PLCB1: variants seen among roughly 807,000 people sequenced by gnomAD.
The protein encoded by PLCB1 is 1-phosphatidylinositol 4,5-bisphosphate phosphodiesterase beta-1.
In PLCB1, 46 loss-of-function variants were observed where a neutral mutation model predicts 161.8. The observed-to-expected ratio is 0.28, with a 90% CI of 0.22 to 0.36. The LOEUF (loss-of-function observed/expected upper bound fraction) is 0.36. Among genes scored for constraint, PLCB1 ranks in the 10% least tolerant of loss-of-function variants. The pLI, the probability that PLCB1 is intolerant of heterozygous loss-of-function variation, is 1.00. For missense variants in PLCB1, 1,016 were observed against 1,472.5 expected (o/e 0.69, Z 5.07); for synonymous variants, 517 against 503.7 (o/e 1.03, Z -0.35).
chr20:8,587,196 G>A (rs1433773963), intron 3 of PLCB1, among the ~76,000 whole-genome samples: 2 of 151,668 alleles, frequency 1.3e-5, no homozygotes, highest in Admixed American at 6.6e-5. Context: ...ATATATATAT[G>A]ATCTCAAAAA....
At chr20:8,644,275 G>A (rs571794584) in intron 4 of PLCB1, among the ~76,000 whole-genome samples, 4 of 151,162 alleles carry the variant, frequency 2.6e-5, no homozygotes, top group Non-Finnish European at 5.9e-5. Context: ...GACATGAGGA[G>A]CCCCTCTGCC....
At chr20:8,164,689 T>G (rs2051658459) in intron 2 of PLCB1, among the ~76,000 whole-genome samples, 1 of 152,210 alleles carries the variant, frequency 6.6e-6, no homozygotes, top group Non-Finnish European at 1.5e-5. Context: ...GGATGTAATA[T>G]CTGGACTCAC....
intron 3 of PLCB1, among the ~76,000 whole-genome samples, chr20:8,426,948 C>G (rs1322521241): frequency 1.3e-5 from 2 of 152,094 alleles, no homozygotes; most frequent in African/African-American, 4.8e-5. Context: ...GACAGAGTCT[C>G]GTTGTGTCAC....
At chr20:8,228,701 TC>T (rs1397503392) in intron 2 of PLCB1, among the ~76,000 whole-genome samples, 2 of 149,454 alleles carry the variant, frequency 1.3e-5, no homozygotes, top group African/African-American at 5.0e-5. Context: ...TATTTATTTA[TC>T]TATTTGTAGA....
At chr20:8,154,958 T>G (rs753900358) in intron 2 of PLCB1, among the ~76,000 whole-genome samples, 3 of 152,218 alleles carry the variant, frequency 2.0e-5, no homozygotes, top group Non-Finnish European at 2.9e-5. Flanking sequence ...TTGCTTCCTT[T>G]AAGATATTTC....
At chr20:8,167,049 T>C (rs117157968) in intron 2 of PLCB1, among the ~76,000 whole-genome samples, 1 of 152,194 alleles carries the variant, frequency 6.6e-6, no homozygotes, top group Non-Finnish European at 1.5e-5. Context: ...GGAAAGTAAC[T>C]TGTAGCATTC....
chr20:8,391,826 C>CAG (rs1987613459), intron 3 of PLCB1, among the ~76,000 whole-genome samples: 5 of 113,172 alleles, frequency 4.4e-5, no homozygotes, highest in African/African-American at 1.6e-4. Flanking sequence ...TATATATATA[C>CAG]ACACACATAT....
At chr20:8,305,136 CATT>C (rs1393488111) in intron 2 of PLCB1, among the ~76,000 whole-genome samples, 1 of 152,182 alleles carries the variant, frequency 6.6e-6, no homozygotes, top group Non-Finnish European at 1.5e-5. Context: ...CCCCATTAAT[CATT>C]AATTATGTTG....
Position 8,646,256 on chromosome 20 carries a change from C to T in PLCB1, c.464+75C>T, listed in dbSNP as rs1018443. The T allele has an allele frequency of 0.25, 250,021 of 1,000,582 alleles. 35,245 individuals carry two copies. The highest frequency in any genetic ancestry group is 0.51 in the African/African-American group (32,293 of 63,038). The allele number at this position is 1,000,582 out of a possible 1,614,324, so 62.0% of individuals were successfully genotyped here. A position where few individuals can be genotyped will look rare whatever the true frequency, so the allele number is the denominator to read the frequency against. On this transcript the variant is annotated intron_variant, in intron 5 of 31. Coordinates refer to ENST00000338037, the MANE Select transcript of PLCB1 (RefSeq NM_015192.4). ...TTTCCTTTCTCCTTTGTGAGTCTTC[C>T]GTTTATGCCATACTGACTTCTCACA...
chr20:8,854,967 A>G (rs1335145587), intron 31 of PLCB1, among the ~76,000 whole-genome samples: 1 of 152,216 alleles, frequency 6.6e-6, no homozygotes, highest in Non-Finnish European at 1.5e-5. Context: ...AAACTAATTG[A>G]TATGTAGGAA....
At chr20:8,573,062 A>T (rs1028075506) in intron 3 of PLCB1, among the ~76,000 whole-genome samples, 12 of 152,196 alleles carry the variant, frequency 7.9e-5, no homozygotes, top group African/African-American at 2.2e-4. Flanking sequence ...CCTGAAAAGT[A>T]TATTGAGAAG....
intron 7 of PLCB1, among the ~76,000 whole-genome samples, chr20:8,651,195 C>T (rs541977525): frequency 6.6e-6 from 1 of 152,194 alleles, no homozygotes; most frequent in East Asian, 1.9e-4. Flanking sequence ...CCTTTGAGCC[C>T]CTCAAAATGT....
intron 26 of PLCB1, 120 bp from the exon 27 acceptor site, chr20:8,774,419 C>A: frequency 1.0e-6 from 1 of 971,550 alleles, no homozygotes; most frequent in South Asian, 1.9e-5. Context: ...CCCCAAGTGG[C>A]TTATGAAAAT....
intron 3 of PLCB1, among the ~76,000 whole-genome samples, chr20:8,571,646 G>A (rs370541751): frequency 4.9e-4 from 75 of 152,148 alleles, no homozygotes; most frequent in African/African-American, 1.5e-3. Flanking sequence ...AAGGCCTGAT[G>A]TATACTGTGT....
chr20:8,788,331 C>A (rs1324070129), intron 27 of PLCB1, 118 bp from the exon 28 acceptor site: 11 of 882,174 alleles, frequency 1.2e-5, no homozygotes, highest in Non-Finnish European at 3.5e-6. Flanking sequence ...ACAACTTTAA[C>A]TATTGTGAAA....
intron 2 of PLCB1, among the ~76,000 whole-genome samples, chr20:8,315,996 C>T (rs1984631900): frequency 6.6e-6 from 1 of 152,156 alleles, no homozygotes; most frequent in Non-Finnish European, 1.5e-5. Flanking sequence ...GGGTTGAACG[C>T]TATTCAGCAA....
chr20:8,184,752 G>A (rs1191264611), intron 2 of PLCB1, among the ~76,000 whole-genome samples: 3 of 145,820 alleles, frequency 2.1e-5, no homozygotes, highest in Admixed American at 6.9e-5. Flanking sequence ...TCAACATTTC[G>A]AAAGTTTGGC....
At chr20:8,505,572 G>A (rs1261060490) in intron 3 of PLCB1, among the ~76,000 whole-genome samples, 1 of 152,206 alleles carries the variant, frequency 6.6e-6, no homozygotes, top group Non-Finnish European at 1.5e-5. Flanking sequence ...AATCTTTGCA[G>A]AGGCAAATTG....
At chr20:8,752,761 C>T (rs1211204665) in intron 23 of PLCB1, among the ~76,000 whole-genome samples, 1 of 151,022 alleles carries the variant, frequency 6.6e-6, no homozygotes, top group African/African-American at 2.4e-5. Flanking sequence ...CTACTGCACT[C>T]CAGCCTGGGT....
Sources: gnomAD v4.1 joint callset for allele counts (sites outside exome capture counted in the v4.1 genomes callset) on GRCh38, gnomAD v4.1.1 for gene constraint, MANE v1.5 for transcripts, NCBI Gene and HGNC (gene_info 2026-07-23, HGNC 2026-07-21) for gene names.